The following NOL4L variants were observed in gnomAD, a reference collection of about 807,000 sequenced individuals.
NOL4L encodes the protein nucleolar protein 4-like.
A neutral mutation model predicts 64.5 loss-of-function variants in NOL4L; 7 were observed. The ratio of observed to expected loss-of-function variants is 0.11; its 90% CI spans 0.06 to 0.20. The LOEUF is 0.20. NOL4L is among the 10% of genes least tolerant of loss of function. The pLI is 1.00. For missense variants in NOL4L, 680 were observed against 967.1 expected, an observed-to-expected ratio of 0.70 and a Z score of 3.94; for synonymous variants, 413 against 401.0, an observed-to-expected ratio of 1.03 and a Z score of -0.36.
At chr20:32,462,918 A>AAAAAAAAAAAAAAAC (rs2014219252) in intron 5 of NOL4L, among the ~76,000 whole-genome samples, 1 of 150,766 alleles carries the variant, frequency 6.6e-6, no homozygotes, top group Non-Finnish European at 1.5e-5. Flanking sequence ...AAAAAAAAAA[A>AAAAAAAAAAAAAAAC]AAAAACTGAT....
At chr20:32,486,462 G>A (rs1210522133) in intron 4 of NOL4L, among the ~76,000 whole-genome samples, 3 of 152,166 alleles carry the variant, frequency 2.0e-5, no homozygotes, top group Non-Finnish European at 4.4e-5. Flanking sequence ...CAGATGATTA[G>A]GGTATGCTCT....
chr20:32,502,363 C>T (rs2016954695), intron 4 of NOL4L, among the ~76,000 whole-genome samples: 1 of 151,768 alleles, frequency 6.6e-6, no homozygotes, highest in Non-Finnish European at 1.5e-5. Context: ...GAGGCCGAGG[C>T]AGGCGGATCA....
chr20:32,506,999 C>T (rs2017164969), intron 4 of NOL4L, among the ~76,000 whole-genome samples: 1 of 152,168 alleles, frequency 6.6e-6, no homozygotes, highest in Admixed American at 6.5e-5. Flanking sequence ...CCAGGAACTG[C>T]AGAGAGGGAG....
intron 10 of NOL4L, among the ~76,000 whole-genome samples, chr20:32,450,731 G>A (rs1424740013): frequency 2.0e-5 from 3 of 152,088 alleles, no homozygotes; most frequent in Non-Finnish European, 4.4e-5. Context: ...GAGGGAGCAG[G>A]CCCCAGACCA....
intron 4 of NOL4L, among the ~76,000 whole-genome samples, chr20:32,492,205 T>C (rs1379167542): frequency 6.6e-6 from 1 of 152,176 alleles, no homozygotes; most frequent in Non-Finnish European, 1.5e-5. Context: ...CAATGAAGGA[T>C]GGATACATTG....
intron 3 of NOL4L, among the ~76,000 whole-genome samples, chr20:32,512,071 A>G (rs1391833171): frequency 6.6e-6 from 1 of 152,158 alleles, no homozygotes; most frequent in African/African-American, 2.4e-5. Flanking sequence ...ACACGTTTAT[A>G]GGAATTTTTG....
intron 1 of NOL4L, among the ~76,000 whole-genome samples, chr20:32,558,145 C>T (rs1196336130): frequency 6.6e-6 from 1 of 152,160 alleles, no homozygotes; most frequent in Non-Finnish European, 1.5e-5. Context: ...GGATTAAAAT[C>T]CCCAGCTTCC....
chr20:32,488,833 TTCTTTCTTTC>T (rs1568648910), intron 4 of NOL4L, among the ~76,000 whole-genome samples: 2 of 63,534 alleles, frequency 3.1e-5, no homozygotes, highest in Non-Finnish European at 5.4e-5. Context: ...TTCTTTTTCT[TTCTTTCTTTC>T]TTTCTTTCTT....
chr20:32,470,071 C>A (rs752926842), intron 5 of NOL4L, among the ~76,000 whole-genome samples: 42 of 152,240 alleles, frequency 2.8e-4, no homozygotes, highest in Non-Finnish European at 5.6e-4. Flanking sequence ...TCTTGCTCAG[C>A]AATCCCCCGA....
At chr20:32,545,540 G>A (rs1341641286) in intron 1 of NOL4L, among the ~76,000 whole-genome samples, 2 of 152,130 alleles carry the variant, frequency 1.3e-5, no homozygotes, top group Non-Finnish European at 2.9e-5. Context: ...CATCCAGCAA[G>A]CATTTAGACC....
At position 32,465,108 on chromosome 20, in the gene NOL4L, C is replaced by T. The variant is rs76118875; in HGVS notation, c.842-8713G>A. The T allele has an allele frequency of 6.0e-3, 3,225 of 541,490 alleles. 31 individuals are homozygous for T. The highest frequency in any genetic ancestry group is 0.02 in the Middle Eastern group (73 of 3,674). The allele number at this position is 541,490 out of a possible 1,614,324, so 33.5% of individuals were successfully genotyped here. A position where few individuals can be genotyped will look rare whatever the true frequency, so the allele number is the denominator to read the frequency against. ...CAGGCCTTGGGACAGGTGGCTCAAG[C>T]GGTGGGGCCCTGGAGACAGACACCA... On this transcript the variant is annotated intron_variant, in intron 5 of 10. Coordinates refer to ENST00000621426, the MANE Select transcript of NOL4L (RefSeq NM_001256798.2).
rs570755494 is a variant in NOL4L at position 32,463,794 on chromosome 20, G to A, written c.842-7399C>T. 1.3e-5 allele frequency among the ~76,000 whole-genome samples: 2 copies of A among 152,114 alleles called. No individual in the cohort carries two copies. The highest frequency in any genetic ancestry group is 2.9e-5 in the Non-Finnish European group (2 of 67,992). Reference sequence around the variant, plus strand: ...TGCGAACCACCAATCGCCACACCGCGCTCTGGGGCCCACAGCCAGTGGCAC... The same window carrying A: ...TGCGAACCACCAATCGCCACACCGCACTCTGGGGCCCACAGCCAGTGGCAC... On this transcript the variant is annotated intron_variant, in intron 5 of 10. Transcript: ENST00000621426. This position sits in a 1 kb window ranked among gnomAD's most constrained non-coding sequence, Gnocchi z 5.8.
chr20:32,479,979 T>C (rs1157831052), intron 4 of NOL4L, among the ~76,000 whole-genome samples: 1 of 152,144 alleles, frequency 6.6e-6, no homozygotes, highest in Non-Finnish European at 1.5e-5. Flanking sequence ...CTCTTCTGCA[T>C]GGTAACTAGC....
chr20:32,466,913 C>T (rs2014602916), intron 5 of NOL4L, among the ~76,000 whole-genome samples: 1 of 152,170 alleles, frequency 6.6e-6, no homozygotes, highest in Non-Finnish European at 1.5e-5. Context: ...GAGGCAGCAG[C>T]AGGCCGGAGT....
intron 1 of NOL4L, among the ~76,000 whole-genome samples, chr20:32,529,724 G>T (rs890695646): frequency 6.6e-6 from 1 of 152,160 alleles, no homozygotes; most frequent in East Asian, 1.9e-4. Flanking sequence ...GACCTCACTG[G>T]CCCCAACAAG....
chr20:32,483,073 C>T (rs2015841313), intron 4 of NOL4L, among the ~76,000 whole-genome samples: 1 of 150,642 alleles, frequency 6.6e-6, no homozygotes, highest in African/African-American at 2.4e-5. Flanking sequence ...ACCTCTTGGG[C>T]GCCCCGCGGC....
At chr20:32,484,859 C>T (rs1435559956) in intron 4 of NOL4L, among the ~76,000 whole-genome samples, 1 of 151,764 alleles carries the variant, frequency 6.6e-6, no homozygotes, top group Non-Finnish European at 1.5e-5. Flanking sequence ...TCCGAGCAAC[C>T]TCGGACTCGG....
At chr20:32,501,095 G>A (rs1038194283) in intron 4 of NOL4L, among the ~76,000 whole-genome samples, 6 of 152,186 alleles carry the variant, frequency 3.9e-5, no homozygotes, top group African/African-American at 1.4e-4. Context: ...AGAGGGAAAA[G>A]TCACTTGACA....
intron 1 of NOL4L, among the ~76,000 whole-genome samples, chr20:32,534,084 C>T (rs2018434056): frequency 6.6e-6 from 1 of 152,202 alleles, no homozygotes; most frequent in Non-Finnish European, 1.5e-5. Context: ...CAGTTTTAGG[C>T]CACCAGGGTG....
Sources: gnomAD v4.1 joint callset for allele counts (sites outside exome capture counted in the v4.1 genomes callset) on GRCh38, gnomAD v4.1.1 for gene constraint, Gnocchi (gnomAD v3.1) non-coding constraint, MANE v1.5 for transcripts, NCBI Gene and HGNC (gene_info 2026-07-23, HGNC 2026-07-21) for gene names.